LSAMP: variants seen among roughly 807,000 people sequenced by gnomAD.
LSAMP encodes limbic system-associated membrane protein.
LSAMP carries 7 observed loss-of-function variants against 38.6 expected under a neutral mutation model. That is an observed-to-expected ratio of 0.18 (90% confidence interval 0.10 to 0.34). LSAMP has a LOEUF of 0.34. Among genes scored for constraint, LSAMP ranks in the 10% least tolerant of loss-of-function variants. The pLI, the probability that LSAMP is intolerant of heterozygous loss-of-function variation, is 1.00. For synonymous variants in LSAMP, 154 were observed against 166.8 expected, an observed-to-expected ratio of 0.92 and a Z score of 0.59; for missense variants, 313 against 420.0, an observed-to-expected ratio of 0.75 and a Z score of 2.23.
chr3:116,270,346 T>A (rs1303585790), intron 1 of LSAMP, among the ~76,000 whole-genome samples: 1 of 152,096 alleles, frequency 6.6e-6, no homozygotes, highest in Non-Finnish European at 1.5e-5. Context: ...AGAGTTAACA[T>A]CCTTCTGCCC....
At chr3:116,039,440 T>C (rs938335903) in intron 2 of LSAMP, among the ~76,000 whole-genome samples, 13 of 152,202 alleles carry the variant, frequency 8.5e-5, no homozygotes, top group African/African-American at 2.9e-4. Context: ...TTAAAAGCAT[T>C]ACTTCACACC....
chr3:116,074,361 C>G (rs560680409), intron 2 of LSAMP, among the ~76,000 whole-genome samples: 1 of 152,254 alleles, frequency 6.6e-6, no homozygotes, highest in African/African-American at 2.4e-5. Flanking sequence ...TAGTATTTCT[C>G]ATGAAATGAC....
At chr3:116,276,486 G>C (rs1447209940) in intron 1 of LSAMP, among the ~76,000 whole-genome samples, 1 of 151,962 alleles carries the variant, frequency 6.6e-6, no homozygotes, top group Non-Finnish European at 1.5e-5. Flanking sequence ...AGGACACGAA[G>C]GCATAAGAAT....
At chr3:116,164,760 A>ATATCCATATATATATATATATATATT (rs374542146) in intron 1 of LSAMP, among the ~76,000 whole-genome samples, 1 of 91,614 alleles carries the variant, frequency 1.1e-5, no homozygotes, top group African/African-American at 5.0e-5. Flanking sequence ...ATATATATAT[A>ATATCCATATATATATATATATATATT]TTTTTTTTTT....
At chr3:116,151,814 A>C (rs575113033) in intron 1 of LSAMP, among the ~76,000 whole-genome samples, 17 of 152,064 alleles carry the variant, frequency 1.1e-4, no homozygotes, top group Non-Finnish European at 1.9e-4. Context: ...GCCACTCCAC[A>C]AACTCTGGTA....
intron 3 of LSAMP, among the ~76,000 whole-genome samples, chr3:115,952,682 A>G (rs1206541243): frequency 6.6e-6 from 1 of 152,184 alleles, no homozygotes. Context: ...TTATCCATGT[A>G]ACCAAAAACC....
intron 1 of LSAMP, among the ~76,000 whole-genome samples, chr3:116,239,903 T>C (rs1205358673): frequency 6.6e-6 from 1 of 152,200 alleles, no homozygotes; most frequent in Non-Finnish European, 1.5e-5. Context: ...GTTTAATCAG[T>C]TAAATTACAT....
At chr3:115,967,948 A>T (rs1938876941) in intron 3 of LSAMP, among the ~76,000 whole-genome samples, 1 of 152,080 alleles carries the variant, frequency 6.6e-6, no homozygotes, top group Non-Finnish European at 1.5e-5. Flanking sequence ...TTTCCCAAGC[A>T]GAGGAGTCCC....
intron 3 of LSAMP, among the ~76,000 whole-genome samples, chr3:115,939,584 C>CTTTCTTTCTCTTTCTT (rs1576237854): frequency 1.5e-5 from 2 of 131,804 alleles, no homozygotes; most frequent in African/African-American, 2.7e-5. Flanking sequence ...TTCTTTCTTT[C>CTTTCTTTCTCTTTCTT]TGTTAAGAGA....
intron 1 of LSAMP, among the ~76,000 whole-genome samples, chr3:116,102,781 A>G (rs180979686): frequency 6.0e-4 from 90 of 150,644 alleles, no homozygotes; most frequent in African/African-American, 2.1e-3. Flanking sequence ...CTATCTATCT[A>G]TCTATCTGTC....
chr3:116,022,434 A>T (rs1478315718), intron 2 of LSAMP, among the ~76,000 whole-genome samples: 2 of 152,076 alleles, frequency 1.3e-5, no homozygotes, highest in African/African-American at 4.8e-5. Flanking sequence ...TTCTCTCCTT[A>T]ACCTCAAATG....
rs1182888903 is a variant in LSAMP, at chr3:116,070,019, A to G, written c.388+16305T>C. ...ATAGGAATATGAAGATCACACAACT[A>G]AAGGAGATCAAGTTGACACAATCTG... is the stretch of plus-strand genomic sequence containing the variant. On this transcript the variant is annotated intron_variant, in intron 2 of 6. Coordinates refer to ENST00000490035, the MANE Select transcript of LSAMP (RefSeq NM_002338.5). Among the ~76,000 whole-genome samples the G allele has an allele frequency of 2.0e-5, 3 of 152,300 alleles. No individual in the cohort carries two copies. In the East Asian group the frequency reaches 5.8e-4, roughly 29 times the overall value.
At chr3:116,089,080 C>A (rs535704967) in intron 1 of LSAMP, among the ~76,000 whole-genome samples, 82 of 152,302 alleles carry the variant, frequency 5.4e-4, no homozygotes, top group African/African-American at 1.9e-3. Context: ...TAGCAAATTT[C>A]ATTCATGGAA....
At chr3:115,922,144 C>A (rs568258315) in intron 3 of LSAMP, among the ~76,000 whole-genome samples, 1 of 152,046 alleles carries the variant, frequency 6.6e-6, no homozygotes, top group African/African-American at 2.4e-5. Context: ...GGGGAGTTTT[C>A]ATTCATTATT....
At chr3:116,186,153 C>T (rs573430461) in intron 1 of LSAMP, among the ~76,000 whole-genome samples, 10 of 152,136 alleles carry the variant, frequency 6.6e-5, no homozygotes, top group African/African-American at 2.2e-4. Flanking sequence ...GCCAGGGTGG[C>T]CCTTTTTAGG....
At chr3:116,355,109 CAT>C (rs758311752) in intron 1 of LSAMP, among the ~76,000 whole-genome samples, 23 of 151,380 alleles carry the variant, frequency 1.5e-4, no homozygotes, top group Non-Finnish European at 2.5e-4. Context: ...TGTTCTTTAC[CAT>C]ATATATATAT....
At chr3:116,089,850 G>T (rs1459827803) in intron 1 of LSAMP, among the ~76,000 whole-genome samples, 1 of 151,890 alleles carries the variant, frequency 6.6e-6, no homozygotes, top group Admixed American at 6.6e-5. Flanking sequence ...ATCTTTCAGG[G>T]TTCCTTTTTA....
At chr3:116,051,501 T>G (rs1341823097) in intron 2 of LSAMP, among the ~76,000 whole-genome samples, 2 of 152,208 alleles carry the variant, frequency 1.3e-5, no homozygotes, top group African/African-American at 2.4e-5. Flanking sequence ...ATTATTGTTG[T>G]TGTTGTTTGT....
chr3:115,826,595 T>G (rs1934419398), intron 6 of LSAMP, among the ~76,000 whole-genome samples: 1 of 152,226 alleles, frequency 6.6e-6, no homozygotes, highest in Admixed American at 6.5e-5. Context: ...GTGCAGAGGC[T>G]GTACCTGCTT....
Sources: allele counts gnomAD v4.1 joint callset (sites outside exome capture counted in the v4.1 genomes callset), GRCh38; gene constraint gnomAD v4.1.1; transcripts MANE v1.5; gene names NCBI Gene and HGNC (gene_info 2026-07-23, HGNC 2026-07-21).